Variants in ARAP2 observed in about 807,000 individuals in gnomAD.
The protein encoded by ARAP2 is arf-GAP with Rho-GAP domain, ANK repeat and PH domain-containing protein 2.
A neutral mutation model predicts 194.5 loss-of-function variants in ARAP2; 148 were observed. That is an observed-to-expected ratio of 0.76 (90% confidence interval 0.67 to 0.87). The LOEUF is 0.87. ARAP2 is among the 40% of genes least tolerant of loss of function. ARAP2 has a pLI of 0.00. For synonymous variants in ARAP2, 695 were observed against 683.5 expected, an observed-to-expected ratio of 1.02 and a Z score of -0.26; for missense variants, 2,128 against 1,989.7, an observed-to-expected ratio of 1.07 and a Z score of -1.32.
In ARAP2 at chr4:36,158,583, C is replaced by T. The variant is rs191875606; in HGVS notation, c.2752+147G>A. ...GCTGCAGTACATGAAATAATATTTG[C>T]ACCTAGAAGCATTTATAAATCCTCA... On this transcript the variant is annotated intron_variant, in intron 15 of 32. Transcript: ENST00000303965. 8.9e-6 allele frequency: 6 copies of T among 676,032 alleles called. No homozygotes were observed. The African/African-American group carries it at 1.1e-4, about 13-fold the overall frequency. 41.9% of individuals were successfully genotyped at this position (676,032 alleles called of 1,614,324 possible). A position where few individuals can be genotyped will look rare whatever the true frequency, so the allele number is the denominator to read the frequency against.
At position 36,096,374 on chromosome 4, in the gene ARAP2, A is replaced by AAAAAAAAAAAAAAAAAAAG. The variant is rs796310005; in HGVS notation, c.4286-4355_4286-4354insCTTTTTTTTTTTTTTTTTT. On this transcript the variant is annotated intron_variant, in intron 27 of 32. Coordinates refer to ENST00000303965, the MANE Select transcript of ARAP2 (RefSeq NM_015230.4). The stretch of plus-strand genomic sequence containing the variant: ...AGTGAGACTCTCTCAAAAAAAAAAA[A>AAAAAAAAAAAAAAAAAAAG]AAAAAAGAAAAAGGAAAAAAGTAGT... Among the ~76,000 whole-genome samples the AAAAAAAAAAAAAAAAAAAG allele has an allele frequency of 2.0e-4, 29 of 142,064 alleles. 1 individual carries two copies. The highest frequency in any genetic ancestry group is 8.5e-4 in the African/African-American group (29 of 34,192). The allele number at this position is 142,064 out of a possible 152,430, so 93.2% of individuals were successfully genotyped here.
chr4:36,124,544 C>G (rs551890187), intron 22 of ARAP2, among the ~76,000 whole-genome samples: 24 of 151,836 alleles, frequency 1.6e-4, no homozygotes, highest in Non-Finnish European at 2.4e-4. Flanking sequence ...GAAATGTCCA[C>G]CATGAGAAAA....
intron 23 of ARAP2, among the ~76,000 whole-genome samples, chr4:36,120,219 G>T (rs899545721): frequency 1.3e-5 from 2 of 151,492 alleles, no homozygotes; most frequent in African/African-American, 4.8e-5. Context: ...TTATTGCAAA[G>T]AAGTTGCTAT....
chr4:36,061,496 A>G (rs1416947962), downstream of ARAP2, among the ~76,000 whole-genome samples: 1 of 152,160 alleles, frequency 6.6e-6, no homozygotes, highest in Non-Finnish European at 1.5e-5. Flanking sequence ...GTTGCAAATA[A>G]CAGAATCTCA....
chr4:36,024,623 C>A (rs544515719), intron 5 of ARAP2, among the ~76,000 whole-genome samples: 2 of 152,072 alleles, frequency 1.3e-5, no homozygotes, highest in Non-Finnish European at 2.9e-5. Context: ...ACTGTACTAC[C>A]ACTCAACTCT....
At chr4:36,058,410 A>C (rs1723875872) in intron 1 of ARAP2, among the ~76,000 whole-genome samples, 1 of 152,196 alleles carries the variant, frequency 6.6e-6, no homozygotes, top group Non-Finnish European at 1.5e-5. Context: ...TATCTTAAAA[A>C]ATCATCTCAA....
intron 10 of ARAP2, among the ~76,000 whole-genome samples, chr4:36,166,148 C>T (rs986037630): frequency 6.6e-6 from 1 of 151,998 alleles, no homozygotes; most frequent in African/African-American, 2.4e-5. Context: ...TTTTGACATG[C>T]AAAATGAGTA....
chr4:36,204,978 A>C, intron 6 of ARAP2, among the ~76,000 whole-genome samples: 1 of 101,776 alleles, frequency 9.8e-6, no homozygotes, highest in Non-Finnish European at 1.8e-5. Context: ...ACCGAGCGAG[A>C]CTCCATCTCA....
At chr4:36,239,431 A>G (rs1299534056) in intron 1 of ARAP2, among the ~76,000 whole-genome samples, 1 of 152,228 alleles carries the variant, frequency 6.6e-6, no homozygotes, top group Non-Finnish European at 1.5e-5. Context: ...ATATACACAA[A>G]ATGAAATACT....
intron 8 of ARAP2, among the ~76,000 whole-genome samples, chr4:36,183,850 CA>C (rs1341083117): frequency 6.6e-6 from 1 of 152,094 alleles, no homozygotes; most frequent in Non-Finnish European, 1.5e-5. Context: ...TTAGTAACAC[CA>C]GGGGGTGATG....
chr4:36,239,387 G>A (rs990636442), intron 1 of ARAP2, among the ~76,000 whole-genome samples: 3 of 152,114 alleles, frequency 2.0e-5, no homozygotes, highest in African/African-American at 7.2e-5. Context: ...ATCTATGAAT[G>A]GATGAATGGA....
intron 28 of ARAP2, among the ~76,000 whole-genome samples, chr4:36,089,685 G>T (rs1264732568): frequency 1.3e-5 from 2 of 152,052 alleles, no homozygotes; most frequent in Non-Finnish European, 2.9e-5. Context: ...GATTATTAAT[G>T]ATATTGAACA....
chr4:36,224,722 A>C (rs1749906399), intron 2 of ARAP2, among the ~76,000 whole-genome samples: 1 of 152,188 alleles, frequency 6.6e-6, no homozygotes, highest in Non-Finnish European at 1.5e-5. Context: ...TTAATTATTT[A>C]TGTATTCAAT....
At chr4:36,222,782 G>A (rs11937482) in intron 2 of ARAP2, among the ~76,000 whole-genome samples, 7,319 of 151,820 alleles carry the variant, frequency 0.048, 595 homozygotes, top group African/African-American at 0.17. Context: ...ATACTCTTAT[G>A]TATGTTTGAA....
At chr4:36,117,307 AG>A (rs1416880450) in intron 24 of ARAP2, among the ~76,000 whole-genome samples, 172 bp from the exon 25 acceptor site, 1 of 151,790 alleles carries the variant, frequency 6.6e-6, no homozygotes, top group Non-Finnish European at 1.5e-5. Flanking sequence ...CATATGGTTA[AG>A]GACAAGGCAT....
At chr4:36,021,427 A>G (rs1716921960) in intron 5 of ARAP2, among the ~76,000 whole-genome samples, 1 of 152,148 alleles carries the variant, frequency 6.6e-6, no homozygotes, top group African/African-American at 2.4e-5. Flanking sequence ...TTTCTCATGA[A>G]TGGTTTGGTA....
intron 11 of ARAP2, among the ~76,000 whole-genome samples, chr4:36,163,587 A>T (rs887281107): frequency 3.3e-5 from 5 of 152,224 alleles, no homozygotes; most frequent in African/African-American, 1.2e-4. Flanking sequence ...TGAAAGAAAA[A>T]GGGGACAGAG....
chr4:36,022,138 A>T (rs1030672432), intron 5 of ARAP2, among the ~76,000 whole-genome samples: 3 of 152,200 alleles, frequency 2.0e-5, no homozygotes, highest in Non-Finnish European at 2.9e-5. Flanking sequence ...TAGTATATGC[A>T]GTCCATCATT....
chr4:36,008,301 G>A (rs1360081357), intron 9 of ARAP2, among the ~76,000 whole-genome samples: 3 of 151,904 alleles, frequency 2.0e-5, no homozygotes, highest in Admixed American at 2.0e-4. Context: ...ATACTATATG[G>A]TTACACTAAT....
Sources: allele counts gnomAD v4.1 joint callset (sites outside exome capture counted in the v4.1 genomes callset), GRCh38; gene constraint gnomAD v4.1.1; transcripts MANE v1.5; gene names NCBI Gene and HGNC (gene_info 2026-07-23, HGNC 2026-07-21).